ANO6: variants seen among roughly 807,000 people sequenced by gnomAD.
The protein encoded by ANO6 is anoctamin-6.
ANO6 carries 106 observed loss-of-function variants against 117.5 expected under a neutral mutation model. That is an observed-to-expected ratio of 0.90 (90% CI 0.77 to 1.06). The LOEUF (loss-of-function observed/expected upper bound fraction) is 1.06, where lower values mean the gene tolerates loss of function less well. ANO6 is among the 50% of genes least tolerant of loss of function. The pLI, the probability that ANO6 is intolerant of heterozygous loss-of-function variation, is 0.00. For missense variants in ANO6, 955 were observed against 1,121.1 expected, an observed-to-expected ratio of 0.85 and a Z score of 2.12; for synonymous variants, 367 against 385.1, an observed-to-expected ratio of 0.95 and a Z score of 0.55.
intron 3 of ANO6, among the ~76,000 whole-genome samples, chr12:45,333,668 G>A (rs1052150061): frequency 2.9e-4 from 44 of 152,054 alleles, no homozygotes; most frequent in African/African-American, 1.0e-3. Context: ...TTTATAAGCT[G>A]TGCTTTGAAG....
At chr12:45,357,607 A>G (rs531162658) in intron 8 of ANO6, among the ~76,000 whole-genome samples, 183 bp downstream of exon 8, 1 of 152,208 alleles carries the variant, frequency 6.6e-6, no homozygotes, top group Non-Finnish European at 1.5e-5. Context: ...TTTCTTAGAT[A>G]ATCCAACCCA....
At chr12:45,376,427 C>T (rs1942020872) in intron 9 of ANO6, among the ~76,000 whole-genome samples, 1 of 133,534 alleles carries the variant, frequency 7.5e-6, no homozygotes, top group Admixed American at 7.6e-5. Context: ...GCATTATTCA[C>T]AATAGCAAAG....
chr12:45,268,175 T>C (rs1014011735), intron 1 of ANO6, among the ~76,000 whole-genome samples: 7 of 152,112 alleles, frequency 4.6e-5, no homozygotes, highest in Non-Finnish European at 1.0e-4. Flanking sequence ...GGCGTGTAGA[T>C]TGTTTCCAGT....
At chr12:45,397,773 G>A (rs190960229) in intron 12 of ANO6, among the ~76,000 whole-genome samples, 3 of 152,280 alleles carry the variant, frequency 2.0e-5, no homozygotes, top group Admixed American at 2.0e-4. Flanking sequence ...CTCATAGGTG[G>A]GAATTGAACA....
rs185646012 is a variant in ANO6, at chr12:45,298,077, G to T, written c.71-3937G>T. On this transcript the variant is annotated intron_variant, in intron 1 of 19. Coordinates refer to ENST00000320560, the MANE Select transcript of ANO6 (RefSeq NM_001025356.3). ...CTGCACTTTCATTGTGCATCCATGC[G>T]AAATCCCACTGACGTATCAAGACCA... Among the ~76,000 whole-genome samples the T allele has an allele frequency of 1.3e-3, 202 of 152,248 alleles. 2 individuals are homozygous for T. The highest frequency in any genetic ancestry group is 4.6e-3 in the African/African-American group (192 of 41,544).
At chr12:45,248,457 A>G (rs954135751) in intron 1 of ANO6, among the ~76,000 whole-genome samples, 12 of 142,294 alleles carry the variant, frequency 8.4e-5, no homozygotes, top group Non-Finnish European at 1.5e-4. Flanking sequence ...TGGTGGGGAC[A>G]GAGTTGCTCT....
chr12:45,284,227 C>T (rs1938834098), intron 1 of ANO6, among the ~76,000 whole-genome samples: 2 of 152,224 alleles, frequency 1.3e-5, no homozygotes. Flanking sequence ...CGCTTCTTGA[C>T]CTCTCTAAGC....
intron 19 of ANO6, among the ~76,000 whole-genome samples, chr12:45,428,135 G>T (rs1425109888): frequency 6.6e-6 from 1 of 152,048 alleles, no homozygotes; most frequent in Non-Finnish European, 1.5e-5. Flanking sequence ...TGCAGATAAT[G>T]CTCTAGGATT....
At chr12:45,255,677 G>A (rs181484878) in intron 1 of ANO6, among the ~76,000 whole-genome samples, 1 of 152,122 alleles carries the variant, frequency 6.6e-6, no homozygotes, top group Admixed American at 6.5e-5. Flanking sequence ...CTAGTAGATT[G>A]TAATAGAATT....
intron 1 of ANO6, among the ~76,000 whole-genome samples, chr12:45,285,757 A>T (rs1938893503): frequency 6.6e-6 from 1 of 151,938 alleles, no homozygotes; most frequent in South Asian, 2.1e-4. Context: ...AGAAAAAAAA[A>T]GGCTCCCAAG....
At chr12:45,408,774 AC>A (rs1943010869) in intron 15 of ANO6, among the ~76,000 whole-genome samples, 1 of 152,106 alleles carries the variant, frequency 6.6e-6, no homozygotes, top group Non-Finnish European at 1.5e-5. Flanking sequence ...CTGTCTGTGA[AC>A]CATGGAGACC....
intron 19 of ANO6, among the ~76,000 whole-genome samples, chr12:45,438,430 CA>C (rs1207010030): frequency 6.6e-6 from 1 of 152,110 alleles, no homozygotes; most frequent in African/African-American, 2.4e-5. Flanking sequence ...GCTCCAAAAT[CA>C]GAAACTTTTT....
At chr12:45,415,438 C>T (rs1943190346) in intron 16 of ANO6, among the ~76,000 whole-genome samples, 1 of 152,220 alleles carries the variant, frequency 6.6e-6, no homozygotes, top group Non-Finnish European at 1.5e-5. Context: ...TATGAGCTGT[C>T]CCTTTCCATA....
At chr12:45,411,214 A>C (rs1329739353) in intron 16 of ANO6, among the ~76,000 whole-genome samples, 1 of 152,226 alleles carries the variant, frequency 6.6e-6, no homozygotes, top group African/African-American at 2.4e-5. Context: ...TTATATGGTC[A>C]TGTGCTTTGG....
intron 9 of ANO6, among the ~76,000 whole-genome samples, chr12:45,371,511 TCTGAGAACAGGCAGA>T (rs1941834114): frequency 6.6e-6 from 1 of 151,120 alleles, no homozygotes; most frequent in African/African-American, 2.4e-5. Context: ...CAGCTGGAGA[TCTGAGAACAGGCAGA>T]CTGCCTCCTC....
intron 17 of ANO6, among the ~76,000 whole-genome samples, 161 bp downstream of exon 17, chr12:45,417,065 ATTTTC>A (rs1288306720): frequency 2.6e-5 from 4 of 152,180 alleles, no homozygotes; most frequent in Admixed American, 1.3e-4. Context: ...TGTTAAATGT[ATTTTC>A]ATTTTGTATA....
chr12:45,370,863 T>C (rs1941806846), intron 9 of ANO6, among the ~76,000 whole-genome samples: 1 of 152,166 alleles, frequency 6.6e-6, no homozygotes, highest in East Asian at 1.9e-4. Flanking sequence ...GGAGCCAAGA[T>C]GGCCGAATAG....
At chr12:45,302,830 T>C (rs983474949) in intron 2 of ANO6, among the ~76,000 whole-genome samples, 1 of 152,200 alleles carries the variant, frequency 6.6e-6, no homozygotes, top group African/African-American at 2.4e-5. Flanking sequence ...GCACCAGATA[T>C]GTAGGAAAAA....
At chr12:45,335,231 T>A (rs1391777591) in intron 3 of ANO6, among the ~76,000 whole-genome samples, 2 of 152,008 alleles carry the variant, frequency 1.3e-5, no homozygotes, top group East Asian at 3.9e-4. Flanking sequence ...AGAATTTTTT[T>A]AAAATTAGTG....
Sources: allele counts gnomAD v4.1 joint callset (sites outside exome capture counted in the v4.1 genomes callset), GRCh38; gene constraint gnomAD v4.1.1; transcripts MANE v1.5; gene names NCBI Gene and HGNC (gene_info 2026-07-23, HGNC 2026-07-21).